The following TRMT2B variants were observed in gnomAD, a reference collection of about 807,000 sequenced individuals.
TRMT2B encodes the protein tRNA (uracil-5-)-methyltransferase homolog B.
In TRMT2B, 34 loss-of-function variants were observed where a neutral mutation model predicts 39.7. The observed-to-expected ratio is 0.86, with a 90% CI of 0.65 to 1.14. The LOEUF is 1.14. TRMT2B is among the 50% of genes most tolerant of loss of function. The pLI is 0.00. For missense variants in TRMT2B, 318 were observed against 377.2 expected (o/e 0.84, Z 1.30); for synonymous variants, 132 against 137.3 (o/e 0.96, Z 0.27).
chrX:100,987,319 A>T, the TRMT2B span: 4 of 1,068,202 alleles, frequency 3.7e-6, no homozygotes, highest in Non-Finnish European at 3.8e-6. Context: ...TTTGAATGAG[A>T]GTGACTGGTT....
intron 13 of TRMT2B, among the ~76,000 whole-genome samples, chrX:101,011,568 C>A (rs1013991590): frequency 4.5e-5 from 5 of 110,862 alleles, no homozygotes; most frequent in African/African-American, 1.6e-4. Flanking sequence ...GGCAGCATAG[C>A]GAGACTCTGT....
intron 7 of TRMT2B, among the ~76,000 whole-genome samples, chrX:101,033,366 G>A (rs1014134490): frequency 9.1e-6 from 1 of 109,866 alleles, no homozygotes; most frequent in Non-Finnish European, 1.9e-5. Flanking sequence ...AGGGCGAGGC[G>A]GGCGGATCAC....
At chrX:101,042,372 C>T in intron 2 of TRMT2B, 60 bp from the exon 3 acceptor site, 1 of 1,119,162 alleles carries the variant, frequency 8.9e-7, no homozygotes, top group South Asian at 2.1e-5. Flanking sequence ...CAAACCCATT[C>T]ATCCACTTAT....
intron 2 of TRMT2B, among the ~76,000 whole-genome samples, chrX:101,050,672 C>T (rs1312349722): frequency 6.4e-5 from 7 of 109,425 alleles, no homozygotes; most frequent in African/African-American, 1.3e-4. Context: ...TGCGGTGAGG[C>T]GAGATCACAC....
chrX:100,989,298 G>A, the TRMT2B span, among the ~76,000 whole-genome samples: 1 of 111,321 alleles, frequency 9.0e-6, no homozygotes, highest in East Asian at 2.8e-4. Context: ...CTTTCCTTTG[G>A]ATTTTTGTTT....
chrX:100,990,505 C>G, the TRMT2B span: 1 of 1,069,279 alleles, frequency 9.4e-7, no homozygotes, highest in Non-Finnish European at 1.2e-6. Flanking sequence ...ACAACTCCAC[C>G]TACTCTAATA....
chrX:101,012,577 G>GT (rs1344324254), intron 13 of TRMT2B, among the ~76,000 whole-genome samples: 7 of 106,992 alleles, frequency 6.5e-5, no homozygotes, highest in Non-Finnish European at 1.3e-4. Flanking sequence ...GCGGTGTTTG[G>GT]TTTTTTGTTC....
At chrX:101,001,956 G>A in the TRMT2B span, among the ~76,000 whole-genome samples, 1 of 110,846 alleles carries the variant, frequency 9.0e-6, no homozygotes, top group Admixed American at 9.6e-5. Context: ...AACAAGACAT[G>A]GTGTTTTTTT....
At chrX:100,995,342 C>T in the TRMT2B span, among the ~76,000 whole-genome samples, 1 of 112,026 alleles carries the variant, frequency 8.9e-6, no homozygotes, top group Non-Finnish European at 1.9e-5. Context: ...AAATGTTCTC[C>T]CACTCCCCTT....
chrX:101,037,640 G>C (rs5967230), intron 5 of TRMT2B: 5,796 of 241,781 alleles, frequency 0.024, 348 homozygotes, highest in African/African-American at 0.15. Flanking sequence ...ATACAATGGA[G>C]TCTCTATCAG....
chrX:101,017,461 T>C (rs909764170), intron 13 of TRMT2B, among the ~76,000 whole-genome samples: 2 of 111,941 alleles, frequency 1.8e-5, no homozygotes, highest in Non-Finnish European at 3.8e-5. Context: ...TTTTTATACA[T>C]TGACATATAA....
intron 11 of TRMT2B, among the ~76,000 whole-genome samples, chrX:101,019,697 G>A (rs1436523966): frequency 1.9e-5 from 2 of 106,967 alleles, no homozygotes; most frequent in East Asian, 3.0e-4. Flanking sequence ...GCAGTGGTGC[G>A]ATCTCGGCAC....
chrX:101,002,779 CAAA>C, the TRMT2B span, among the ~76,000 whole-genome samples: 5 of 61,836 alleles, frequency 8.1e-5, no homozygotes, highest in Non-Finnish European at 6.2e-5. Flanking sequence ...AACTCTGTCT[CAAA>C]AAAAAAAAAA....
chrX:101,027,061 C>A (rs938991782), intron 7 of TRMT2B, among the ~76,000 whole-genome samples: 4 of 110,778 alleles, frequency 3.6e-5, no homozygotes, highest in African/African-American at 1.3e-4. Context: ...CACTACTCCG[C>A]GAAAACAGTA....
chrX:100,981,731 T>C, the TRMT2B span, among the ~76,000 whole-genome samples: 2 of 106,913 alleles, frequency 1.9e-5, no homozygotes, highest in African/African-American at 6.8e-5. Flanking sequence ...ATCACTTGAG[T>C]CCAGGAGGTC....
the TRMT2B span, among the ~76,000 whole-genome samples, chrX:100,996,772 C>T: frequency 1.8e-5 from 2 of 110,277 alleles, no homozygotes; most frequent in African/African-American, 6.6e-5. Flanking sequence ...ATTAGCCAGG[C>T]ATGTTGGCAC....
downstream of TRMT2B, among the ~76,000 whole-genome samples, chrX:101,004,509 G>A (rs2086087828): frequency 9.4e-6 from 1 of 106,454 alleles, no homozygotes; most frequent in South Asian, 4.1e-4. Context: ...TTTTGTTTTT[G>A]TTTTTTTTTG....
At chrX:101,050,519 GT>G (rs908950356) in intron 2 of TRMT2B, among the ~76,000 whole-genome samples, 1 of 109,403 alleles carries the variant, frequency 9.1e-6, no homozygotes, top group Non-Finnish European at 1.9e-5. Context: ...GAGCTCAGGA[GT>G]TTGAGACCAA....
chrX:101,021,297 G>A lies in TRMT2B; in HGVS notation c.870C>T (p.Ser290=), dbSNP rs775968970. 2 of 1,207,610 alleles carry A rather than the reference G, an allele frequency of 1.7e-6. No homozygotes were observed. Among genetic ancestry groups the A allele is most frequent in the African/African-American group, 3.5e-5 (2 of 57,279 alleles). ...GAAGCTGATAGGGAGACTGCTGATG[G>A]CTGCAACGGGTCATGGTACTGGAAA... ...YFQESTMTRC[S]HQQSPYQLLF... Residue 290 remains serine, a synonymous_variant, in exon 10 of 14, where the codon AGC becomes AGT. Transcript: ENST00000372936.
Sources: gnomAD v4.1 joint callset for allele counts (sites outside exome capture counted in the v4.1 genomes callset) on GRCh38, gnomAD v4.1.1 for gene constraint, MANE v1.5 for transcripts, NCBI Gene and HGNC (gene_info 2026-07-23, HGNC 2026-07-21) for gene names.